The following ANK2 variants were observed in gnomAD, a reference collection of about 807,000 sequenced individuals.
ANK2 encodes ankyrin 2.
ANK2 carries 83 observed loss-of-function variants against 360.5 expected under a neutral mutation model. The observed-to-expected ratio is 0.23, with a 90% confidence interval of 0.19 to 0.28. ANK2 has a LOEUF of 0.28. Ranked by LOEUF, ANK2 falls within the 10% of genes least tolerant of loss-of-function variation. ANK2 has a pLI of 1.00. For missense variants in ANK2, 4,201 were observed against 4,795.7 expected (o/e 0.88, Z 3.66); for synonymous variants, 1,740 against 1,759.5 (o/e 0.99, Z 0.28).
At chr4:113,371,571 A>T (rs935566219) in intron 43 of ANK2, among the ~76,000 whole-genome samples, 3 of 152,334 alleles carry the variant, frequency 2.0e-5, no homozygotes, top group African/African-American at 7.2e-5. Context: ...CACATAATTT[A>T]TACAGGCCTG....
chr4:113,301,265 A>G (rs1164743068), intron 22 of ANK2, among the ~76,000 whole-genome samples: 1 of 152,128 alleles, frequency 6.6e-6, no homozygotes, highest in Non-Finnish European at 1.5e-5. Flanking sequence ...GTGATGTTCA[A>G]AATAATGAGA....
chr4:113,288,099 T>C (rs1416352248), intron 19 of ANK2, among the ~76,000 whole-genome samples: 1 of 152,202 alleles, frequency 6.6e-6, no homozygotes, highest in Non-Finnish European at 1.5e-5. Context: ...TGTAGCTACA[T>C]GTTTCCTGCA....
At chr4:113,162,252 A>G (rs1308160663) in intron 1 of ANK2, among the ~76,000 whole-genome samples, 1 of 151,666 alleles carries the variant, frequency 6.6e-6, no homozygotes, top group Admixed American at 6.6e-5. Flanking sequence ...TTGTTTTCAC[A>G]TGTCCCTGAT....
rs1183110095 is a variant in ANK2 at position 113,135,820 on chromosome 4, C to CA, written c.85-38593dup. The stretch of plus-strand genomic sequence containing the variant: ...ACAGATTTGGTGCCTGGACCAAAAT[C>CA]AAACATCTGAAAATATAATTATACA... On this transcript the variant is annotated intron_variant, in intron 1 of 45. Transcript: ENST00000357077. 2.0e-5 allele frequency among the ~76,000 whole-genome samples: 3 copies of CA among 152,026 alleles called. No individual in the cohort carries two copies. The East Asian group carries it at 5.8e-4, about 29-fold the overall frequency.
intron 15 of ANK2, among the ~76,000 whole-genome samples, chr4:113,276,684 C>A (rs184590314): frequency 6.6e-6 from 1 of 152,108 alleles, no homozygotes; most frequent in South Asian, 2.1e-4. Context: ...CCAGAAGATT[C>A]GCTCTCTTCC....
the ANK2 span, among the ~76,000 whole-genome samples, chr4:112,727,834 G>T: frequency 6.6e-6 from 1 of 152,090 alleles, no homozygotes; most frequent in African/African-American, 2.4e-5. Context: ...CAAAAAATTA[G>T]CTGGGCGTAG....
At chr4:113,173,996 A>G (rs1436242936) in intron 1 of ANK2, 2 of 195,214 alleles carry the variant, frequency 1.0e-5, no homozygotes, top group African/African-American at 4.8e-5. Flanking sequence ...AAAGAAAAAA[A>G]CCCAGTAGCT....
rs758643521 is a variant in ANK2, at chr4:113,119,548, G to A, written c.85-54868G>A. On this transcript the variant is annotated intron_variant, in intron 1 of 45. Coordinates refer to ENST00000357077, the MANE Select transcript of ANK2 (RefSeq NM_001148.6). ...AAAAAAAAATGGTAGCCTATTAGTG[G>A]CATTCTGGAATACCATCTGCAGAAA... Among the ~76,000 whole-genome samples the A allele has an allele frequency of 2.6e-5, 4 of 152,136 alleles. No homozygotes were observed. In the East Asian group the frequency reaches 7.7e-4, roughly 29 times the overall value.
In ANK2 at chr4:112,910,783, A is replaced by G. The variant is rs140639590; in HGVS notation, c.21+6269A>G. 1.9e-4 allele frequency among the ~76,000 whole-genome samples: 29 copies of G among 152,342 alleles called. No homozygotes were observed. The East Asian group carries it at 5.0e-3, about 26-fold the overall frequency. On this transcript the variant is annotated intron_variant, in intron 2 of 30. Coordinates refer to the ANK2 transcript ENST00000503271. ...GAAAGAGGATAATATTTGGAAGACA[A>G]CTATTAAGAGATTTTAGAGGCAATG...
chr4:113,097,892 G>GCA (rs201597609), intron 1 of ANK2, among the ~76,000 whole-genome samples: 1 of 128,102 alleles, frequency 7.8e-6, no homozygotes, highest in Non-Finnish European at 1.7e-5. Flanking sequence ...ACACACACAC[G>GCA]CACACACACA....
chr4:112,842,947 G>C (rs1165412165), intron 1 of ANK2, among the ~76,000 whole-genome samples: 1 of 152,208 alleles, frequency 6.6e-6, no homozygotes, highest in African/African-American at 2.4e-5. Flanking sequence ...GGGAGAATCT[G>C]TTTTCTTTCC....
At chr4:112,864,147 A>G (rs973901800) in intron 1 of ANK2, among the ~76,000 whole-genome samples, 5 of 152,222 alleles carry the variant, frequency 3.3e-5, no homozygotes, top group African/African-American at 1.2e-4. Context: ...TCAAAATAAC[A>G]CGGAAAGACC....
intron 1 of ANK2, among the ~76,000 whole-genome samples, chr4:113,114,553 C>T (rs2094577353): frequency 1.1e-5 from 1 of 90,518 alleles, no homozygotes; most frequent in Non-Finnish European, 2.6e-5. Context: ...CTCTGTTAAC[C>T]ATCCCTAAAT....
chr4:113,060,136 A>G (rs1393140233), intron 1 of ANK2, among the ~76,000 whole-genome samples: 1 of 152,108 alleles, frequency 6.6e-6, no homozygotes, highest in Non-Finnish European at 1.5e-5. Context: ...AATGACAGTC[A>G]AATAGGGGTC....
chr4:113,290,462 T>C (rs1230750572), intron 20 of ANK2, among the ~76,000 whole-genome samples: 6 of 152,210 alleles, frequency 3.9e-5, no homozygotes. Context: ...AATTAACTTG[T>C]TTTATAAGAC....
chr4:112,998,681 G>C (rs2049514440), intron 2 of ANK2, among the ~76,000 whole-genome samples: 1 of 152,170 alleles, frequency 6.6e-6, no homozygotes, highest in African/African-American at 2.4e-5. Flanking sequence ...ATTTGGGAAA[G>C]TGTGTTAAAT....
At chr4:113,080,494 T>C (rs1453430617) in intron 1 of ANK2, among the ~76,000 whole-genome samples, 1 of 152,192 alleles carries the variant, frequency 6.6e-6, no homozygotes, top group Non-Finnish European at 1.5e-5. Context: ...TAAAAGAGAA[T>C]ATAAAAACTC....
intron 1 of ANK2, among the ~76,000 whole-genome samples, chr4:113,142,053 G>A (rs1203521391): frequency 6.6e-6 from 1 of 152,150 alleles, no homozygotes; most frequent in South Asian, 2.1e-4. Flanking sequence ...TTTGCTTTCT[G>A]AGTAATTTGC....
intron 2 of ANK2, among the ~76,000 whole-genome samples, chr4:112,922,719 A>T (rs1184343389): frequency 6.6e-6 from 1 of 152,242 alleles, no homozygotes; most frequent in Admixed American, 6.5e-5. Flanking sequence ...AGCTTGATGT[A>T]ATAATCAGTG....
Sources: gnomAD v4.1 joint callset for allele counts (sites outside exome capture counted in the v4.1 genomes callset) on GRCh38, gnomAD v4.1.1 for gene constraint, MANE v1.5 for transcripts, NCBI Gene and HGNC (gene_info 2026-07-23, HGNC 2026-07-21) for gene names.